RAB11FIP4: variants seen among roughly 807,000 people sequenced by gnomAD.
The protein encoded by RAB11FIP4 is rab11 family-interacting protein 4.
RAB11FIP4 carries 23 observed loss-of-function variants against 74.3 expected under a neutral mutation model. The observed-to-expected ratio is 0.31, with a 90% CI of 0.22 to 0.44. The LOEUF (loss-of-function observed/expected upper bound fraction) is 0.44, where lower values mean the gene tolerates loss of function less well. Ranked by LOEUF, RAB11FIP4 falls within the 20% of genes least tolerant of loss-of-function variation. RAB11FIP4 has a pLI of 1.00. For synonymous variants in RAB11FIP4, 360 were observed against 359.9 expected, an observed-to-expected ratio of 1.00 and a Z score of 0.00; for missense variants, 630 against 863.9, an observed-to-expected ratio of 0.73 and a Z score of 3.39.
At chr17:31,431,730 C>T in intron 1 of RAB11FIP4, 83 bp from the exon 2 acceptor site, 1 of 530,122 alleles carries the variant, frequency 1.9e-6, no homozygotes. Context: ...GTCCCTCCCT[C>T]CCTCCCAGCC....
intron 1 of RAB11FIP4, among the ~76,000 whole-genome samples, chr17:31,419,840 G>A (rs564299852): frequency 2.0e-5 from 3 of 152,222 alleles, no homozygotes; most frequent in South Asian, 4.1e-4. Context: ...ATGAGCCACT[G>A]CGCCCAGCAG....
At chr17:31,493,990 G>A (rs1226178051) in intron 3 of RAB11FIP4, among the ~76,000 whole-genome samples, 2 of 152,318 alleles carry the variant, frequency 1.3e-5, no homozygotes, top group Admixed American at 1.3e-4. Context: ...CCTGCTTTGG[G>A]GTGGCTGAGG....
intron 3 of RAB11FIP4, among the ~76,000 whole-genome samples, chr17:31,436,604 C>T (rs188271998): frequency 2.0e-4 from 30 of 152,124 alleles, no homozygotes; most frequent in Admixed American, 7.9e-4. Flanking sequence ...TTTTGTAAAC[C>T]GATATTGCTT....
At chr17:31,485,702 T>C (rs1273756302) in intron 3 of RAB11FIP4, among the ~76,000 whole-genome samples, 7 of 152,138 alleles carry the variant, frequency 4.6e-5, no homozygotes, top group African/African-American at 9.7e-5. Context: ...GTGCATGGGC[T>C]CAATCGCATA....
intron 3 of RAB11FIP4, among the ~76,000 whole-genome samples, chr17:31,452,231 C>T (rs1475653802): frequency 6.6e-6 from 1 of 152,140 alleles, no homozygotes; most frequent in African/African-American, 2.4e-5. Context: ...GTGTCATTCA[C>T]TGCTGCACAG....
At chr17:31,410,605 G>A in intron 1 of RAB11FIP4, among the ~76,000 whole-genome samples, 1 of 152,022 alleles carries the variant, frequency 6.6e-6, no homozygotes, top group East Asian at 1.9e-4. Flanking sequence ...TCCCAGCACT[G>A]CACCGAGGGG....
At chr17:31,411,622 G>T (rs764687294) in intron 1 of RAB11FIP4, among the ~76,000 whole-genome samples, 5 of 152,170 alleles carry the variant, frequency 3.3e-5, no homozygotes, top group Non-Finnish European at 7.3e-5. Context: ...CTTTCTTTTG[G>T]GAAAGAGGTT....
At chr17:31,404,612 T>A (rs2071026174) in intron 1 of RAB11FIP4, among the ~76,000 whole-genome samples, 1 of 152,228 alleles carries the variant, frequency 6.6e-6, no homozygotes, top group African/African-American at 2.4e-5. Context: ...ACCTCTAGGT[T>A]TTCTGAGTCA....
intron 3 of RAB11FIP4, among the ~76,000 whole-genome samples, chr17:31,493,903 G>A (rs546027223): frequency 4.3e-4 from 65 of 152,194 alleles, no homozygotes; most frequent in Admixed American, 8.5e-4. Context: ...GCCCCAGATC[G>A]TATATGTGTG....
intron 3 of RAB11FIP4, among the ~76,000 whole-genome samples, chr17:31,508,747 C>G (rs1002372945): frequency 6.6e-6 from 1 of 152,156 alleles, no homozygotes; most frequent in African/African-American, 2.4e-5. Context: ...GTGCATCTCT[C>G]TTAGTTGAGC....
At chr17:31,489,357 A>G (rs1383691176) in intron 3 of RAB11FIP4, among the ~76,000 whole-genome samples, 1 of 151,906 alleles carries the variant, frequency 6.6e-6, no homozygotes, top group Non-Finnish European at 1.5e-5. Context: ...GAAAAAGGAG[A>G]CTCAAAGGGG....
intron 3 of RAB11FIP4, among the ~76,000 whole-genome samples, chr17:31,448,816 A>G (rs758314075): frequency 1.3e-5 from 2 of 152,108 alleles, no homozygotes; most frequent in Non-Finnish European, 2.9e-5. Flanking sequence ...AATCCTGGAA[A>G]GAGCTCAGGT....
At chr17:31,503,898 G>A (rs889481166) in intron 3 of RAB11FIP4, among the ~76,000 whole-genome samples, 3 of 149,588 alleles carry the variant, frequency 2.0e-5, no homozygotes, top group East Asian at 1.9e-4. Flanking sequence ...CAAAAGATCC[G>A]AATAGACATT....
chr17:31,523,852 C>T, intron 8 of RAB11FIP4, 41 bp from the exon 9 acceptor site: 1 of 1,478,170 alleles, frequency 6.8e-7, no homozygotes. Flanking sequence ...GTTCTGTGGC[C>T]TCAGAGGTCT....
At chr17:31,429,578 G>A (rs2071286305) in intron 1 of RAB11FIP4, among the ~76,000 whole-genome samples, 1 of 152,232 alleles carries the variant, frequency 6.6e-6, no homozygotes, top group African/African-American at 2.4e-5. Flanking sequence ...TGTAATCCAA[G>A]CACTTTGGGA....
At chr17:31,457,505 TC>T (rs886847835) in intron 3 of RAB11FIP4, among the ~76,000 whole-genome samples, 3 of 151,450 alleles carry the variant, frequency 2.0e-5, no homozygotes, top group African/African-American at 2.4e-5. Flanking sequence ...CCCACCCCAG[TC>T]CCCCCTGGAA....
intron 3 of RAB11FIP4, chr17:31,488,368 A>G (rs1184560055): frequency 6.8e-6 from 7 of 1,034,806 alleles, no homozygotes; most frequent in South Asian, 4.6e-5. Context: ...CGGAGAGCGG[A>G]CTTGGCCTGG....
rs2072887397 is a variant in RAB11FIP4 at position 31,532,420 on chromosome 17, C to G, written c.*688C>G. ...CCTGTACCTATAGAGTTCGTGCACT[C>G]CCCCATCCATGCTACCTACCTCCCC... On this transcript the variant is annotated 3_prime_UTR_variant, in exon 15 of 15. Transcript: ENST00000621161. 1 of 152,716 alleles carries G rather than the reference C, an allele frequency of 6.5e-6. No homozygotes were observed. The highest frequency in any genetic ancestry group is 2.4e-5 in the African/African-American group (1 of 41,424). 9.5% of individuals were successfully genotyped at this position (152,716 alleles called of 1,614,324 possible).
At chr17:31,426,859 C>A (rs1264620130) in intron 1 of RAB11FIP4, among the ~76,000 whole-genome samples, 1 of 152,146 alleles carries the variant, frequency 6.6e-6, no homozygotes, top group Non-Finnish European at 1.5e-5. Flanking sequence ...CTTGGCCTCC[C>A]AAAGTGCTGG....
Sources: gnomAD v4.1 joint callset for allele counts (sites outside exome capture counted in the v4.1 genomes callset) on GRCh38, gnomAD v4.1.1 for gene constraint, MANE v1.5 for transcripts, NCBI Gene and HGNC (gene_info 2026-07-23, HGNC 2026-07-21) for gene names.